The following ADGRG6 variants were observed in gnomAD, a reference collection of about 807,000 sequenced individuals.
The protein encoded by ADGRG6 is adhesion G protein-coupled receptor G6.
A neutral mutation model predicts 142.4 loss-of-function variants in ADGRG6; 84 were observed. The observed-to-expected ratio is 0.59, with a 90% CI of 0.49 to 0.71. The LOEUF is 0.71. Among genes scored for constraint, ADGRG6 ranks in the 30% least tolerant of loss-of-function variants. The pLI, the probability that ADGRG6 is intolerant of heterozygous loss-of-function variation, is 0.00. For synonymous variants in ADGRG6, 521 were observed against 520.5 expected (o/e 1.00, Z -0.01); for missense variants, 1,367 against 1,466.6 (o/e 0.93, Z 1.11).
intron 20 of ADGRG6, among the ~76,000 whole-genome samples, chr6:142,416,883 G>A (rs894726949): frequency 5.3e-5 from 8 of 152,258 alleles, no homozygotes; most frequent in Non-Finnish European, 1.5e-5. Flanking sequence ...ATAGAAGGAG[G>A]CAAAATAGGC....
chr6:142,308,740 C>T (rs1444955387), intron 1 of ADGRG6, among the ~76,000 whole-genome samples: 1 of 151,350 alleles, frequency 6.6e-6, no homozygotes, highest in Non-Finnish European at 1.5e-5. Flanking sequence ...GTAATTTCTT[C>T]CTTCTTTGCT....
In ADGRG6 at chr6:142,370,778, A is replaced by C. The variant is rs1204392073; in HGVS notation, c.1054A>C (p.Ser352Arg). 1.2e-6 allele frequency: 2 copies of C among 1,613,588 alleles called. No homozygotes were observed. The highest frequency in any genetic ancestry group is 1.7e-6 in the Non-Finnish European group (2 of 1,179,810). Reference protein sequence around the residue: ...NIPNLALKAESNLSCGSYLIP... With the variant: ...NIPNLALKAERNLSCGSYLIP... ...CCCAAACCTAGCTCTGAAAGCTGAA[A>C]GCAACCTAAGCTGTGGTGAGTTTGT... Residue 352 changes from serine (S) to arginine (R), a missense_variant, in exon 4 of 25, where the codon AGC becomes CGC. Physicochemically the swap from Ser to Arg is moderately radical, Grantham distance 110. Coordinates refer to ENST00000367609, the MANE Select transcript of ADGRG6 (RefSeq NM_198569.3).
chr6:142,381,028 G>GGT (rs1218377334), intron 4 of ADGRG6, among the ~76,000 whole-genome samples: 1 of 152,104 alleles, frequency 6.6e-6, no homozygotes, highest in East Asian at 1.9e-4. Flanking sequence ...AGTGCCCTGA[G>GGT]GTATCAAGGA....
At position 142,390,267 on chromosome 6, in the gene ADGRG6, T is replaced by G. The variant is rs375300547; in HGVS notation, c.1232T>G (p.Ile411Ser). 3.8e-6 allele frequency: 6 copies of G among 1,569,302 alleles called. No individual in the cohort carries two copies. In the African/African-American group the frequency reaches 5.4e-5, roughly 14 times the overall value. The change falls in exon 7 of 25, where the codon ATC becomes AGC. Residue 411 changes from isoleucine to serine, a missense_variant. Physicochemically the swap from Ile to Ser is moderately radical, Grantham distance 142. This residue lies in a region of ADGRG6 where 737 missense variants were observed against 746.5 expected (regional missense o/e 0.99). Transcript: ENST00000367609. ...RIDKQRNDGIIYRISVVIQNI... is the reference protein window; with the variant it reads ...RIDKQRNDGISYRISVVIQNI... The stretch of plus-strand genomic sequence containing the variant: ...TATTTCCAATGGGCAGATGGAATTA[T>G]CTATAGAATATCCGTAGTGATTCAG...
At chr6:142,369,550 A>G (rs1781122981) in intron 3 of ADGRG6, among the ~76,000 whole-genome samples, 1 of 152,156 alleles carries the variant, frequency 6.6e-6, no homozygotes, top group Admixed American at 6.5e-5. Context: ...AAACTGGCTT[A>G]TATGCCTGGA....
At chr6:142,338,538 A>T (rs1212381054) in intron 2 of ADGRG6, among the ~76,000 whole-genome samples, 1 of 151,202 alleles carries the variant, frequency 6.6e-6, no homozygotes, top group African/African-American at 2.4e-5. Flanking sequence ...AGCAATATAG[A>T]TCATATATTT....
intron 22 of ADGRG6, among the ~76,000 whole-genome samples, chr6:142,426,430 A>G (rs1776949378): frequency 6.6e-6 from 1 of 152,200 alleles, no homozygotes; most frequent in Admixed American, 6.5e-5. Context: ...TCTGGGTCAC[A>G]CTGATGCAAG....
At chr6:142,393,870 A>C in intron 8 of ADGRG6, 26 bp from the exon 9 acceptor site, 1 of 1,408,152 alleles carries the variant, frequency 7.1e-7, no homozygotes, top group Non-Finnish European at 9.8e-7. Flanking sequence ...AGGTGGATTA[A>C]TGAATATATG....
At chr6:142,341,419 A>C (rs1476881007) in intron 2 of ADGRG6, among the ~76,000 whole-genome samples, 2 of 121,870 alleles carry the variant, frequency 1.6e-5, no homozygotes, top group Admixed American at 2.1e-4. Context: ...TATATAATAT[A>C]ATTATATAAT....
At chr6:142,387,146 G>A (rs771895232) in intron 6 of ADGRG6, among the ~76,000 whole-genome samples, 8 of 152,160 alleles carry the variant, frequency 5.3e-5, no homozygotes, top group Non-Finnish European at 7.3e-5. Flanking sequence ...GTAATCTGGG[G>A]ATTCCCACAA....
intron 2 of ADGRG6, among the ~76,000 whole-genome samples, chr6:142,334,180 G>A (rs1365071403): frequency 1.3e-5 from 2 of 152,092 alleles, no homozygotes; most frequent in South Asian, 2.1e-4. Context: ...GAAATACAAA[G>A]TTCTTAGACA....
At chr6:142,417,607 A>G (rs77661626) in intron 21 of ADGRG6, among the ~76,000 whole-genome samples, 2,742 of 152,270 alleles carry the variant, frequency 0.018, 87 homozygotes, top group African/African-American at 0.063. Flanking sequence ...TGCCTAAGAC[A>G]GTTTTTTAGC....
At position 142,437,034 on chromosome 6, in the gene ADGRG6, G is replaced by A. The variant is rs1777519263; in HGVS notation, c.3320-400G>A. ...GAATACACAAATTGAAACAGATGAT[G>A]AGCTTATGTGTGTTTTCCATTTTCT... is the stretch of plus-strand genomic sequence containing the variant. On this transcript the variant is annotated intron_variant, in intron 22 of 24. Transcript: ENST00000367609. 4.6e-5 allele frequency among the ~76,000 whole-genome samples: 7 copies of A among 152,268 alleles called. No individual in the cohort carries two copies. In the South Asian group the frequency reaches 1.2e-3, roughly 27 times the overall value.
chr6:142,379,955 C>G (rs544598774), intron 4 of ADGRG6, among the ~76,000 whole-genome samples: 32 of 152,068 alleles, frequency 2.1e-4, no homozygotes, highest in Non-Finnish European at 4.6e-4. Flanking sequence ...GTTTTAGGGA[C>G]ACAATACATC....
chr6:142,402,493 T>C, intron 12 of ADGRG6, 127 bp from the exon 13 acceptor site: 1 of 612,630 alleles, frequency 1.6e-6, no homozygotes, highest in Non-Finnish European at 2.9e-6. Context: ...GGATGAGGTA[T>C]ACACAGGAAA....
In ADGRG6 at chr6:142,349,749, C is replaced by A. The variant is rs867706813; in HGVS notation, c.104-17820C>A. On this transcript the variant is annotated intron_variant, in intron 2 of 24. Coordinates refer to ENST00000367609, the MANE Select transcript of ADGRG6 (RefSeq NM_198569.3). ...ACAAAAAAAGGTGCTGATGTCTTCC[C>A]TTTTCTAGGAATAAATCATGATTTA... Among the ~76,000 whole-genome samples the A allele has an allele frequency of 4.6e-5, 7 of 152,240 alleles. No individual in the cohort carries two copies. In the South Asian group the frequency reaches 1.4e-3, roughly 32 times the overall value.
chr6:142,304,929 T>G (rs771059345), intron 1 of ADGRG6, among the ~76,000 whole-genome samples: 1 of 152,152 alleles, frequency 6.6e-6, no homozygotes, highest in African/African-American at 2.4e-5. Flanking sequence ...CATGTTACTT[T>G]CCATTATAAG....
intron 2 of ADGRG6, among the ~76,000 whole-genome samples, chr6:142,361,405 A>G (rs1780707285): frequency 6.6e-6 from 1 of 152,068 alleles, no homozygotes. Context: ...CTTGTCTGAG[A>G]TCCTCCGGCC....
rs1491232905 is a variant in ADGRG6 at position 142,317,790 on chromosome 6, AAT to A, written c.103+8155_103+8156del. The stretch of plus-strand genomic sequence containing the variant: ...ATTTATATCATATATATTTATATAT[AAT>A]ATATATATTATATATATTTATATAT... On this transcript the variant is annotated intron_variant, in intron 2 of 24. Transcript: ENST00000367609. Among the ~76,000 whole-genome samples the A allele has an allele frequency of 5.5e-3, 496 of 90,004 alleles. 5 individuals carry two copies. Among genetic ancestry groups the A allele is most frequent in the African/African-American group, 0.019 (388 of 20,616 alleles). The allele number at this position is 90,004 out of a possible 152,430, so 59.0% of individuals were successfully genotyped here.
Sources: allele counts gnomAD v4.1 joint callset (sites outside exome capture counted in the v4.1 genomes callset), GRCh38; gene constraint gnomAD v4.1.1; regional missense constraint gnomAD v4.1.1; transcripts MANE v1.5; gene names NCBI Gene and HGNC (gene_info 2026-07-23, HGNC 2026-07-21).